GABBR2: variants seen among roughly 807,000 people sequenced by gnomAD.
GABBR2 encodes G-protein coupled receptor 51.
Under a neutral mutation model 105.6 loss-of-function variants are expected in GABBR2, and 23 were observed. That is an observed-to-expected ratio of 0.22 (90% CI 0.16 to 0.31). The LOEUF is 0.31. Ranked by LOEUF, GABBR2 falls within the 10% of genes least tolerant of loss-of-function variation. The probability of loss-of-function intolerance (pLI) is 1.00; values close to 1 mark genes in which losing one functional copy is unlikely to be tolerated. For missense variants in GABBR2, 734 were observed against 1,245.5 expected (o/e 0.59, Z 6.18); for synonymous variants, 478 against 499.7 (o/e 0.96, Z 0.58).
At chr9:98,541,659 C>T (rs1828306608) in intron 3 of GABBR2, among the ~76,000 whole-genome samples, 1 of 152,238 alleles carries the variant, frequency 6.6e-6, no homozygotes, top group Non-Finnish European at 1.5e-5. Flanking sequence ...AGGGAAGGTT[C>T]ACTCCTGATG....
intron 11 of GABBR2, among the ~76,000 whole-genome samples, chr9:98,375,897 T>G (rs550270): frequency 0.63 from 96,068 of 152,098 alleles, 31,486 homozygotes; most frequent in African/African-American, 0.8. Context: ...AATGATTCTG[T>G]TTTCCAATAT....
intron 1 of GABBR2, among the ~76,000 whole-genome samples, chr9:98,609,414 T>C (rs893725092): frequency 3.9e-5 from 6 of 152,212 alleles, no homozygotes; most frequent in Admixed American, 3.3e-4. Context: ...CGAATGCCCT[T>C]ACCCTTCCAT....
intron 3 of GABBR2, 67 bp downstream of exon 3, chr9:98,541,806 C>T (rs1368609677): frequency 1.4e-6 from 2 of 1,471,682 alleles, no homozygotes; most frequent in Non-Finnish European, 1.9e-6. Flanking sequence ...GACTAAACCA[C>T]ATTGCCTTTT....
intron 7 of GABBR2, among the ~76,000 whole-genome samples, chr9:98,424,067 T>C (rs1289587969): frequency 2.6e-5 from 4 of 152,128 alleles, no homozygotes; most frequent in Admixed American, 2.6e-4. Flanking sequence ...TGAACATTGA[T>C]ACAAAAATCC....
At chr9:98,533,022 C>T (rs1004604248) in intron 3 of GABBR2, among the ~76,000 whole-genome samples, 7 of 152,150 alleles carry the variant, frequency 4.6e-5, no homozygotes, top group African/African-American at 1.7e-4. Flanking sequence ...AGAAGAATTT[C>T]CACCAACAAA....
intron 6 of GABBR2, among the ~76,000 whole-genome samples, chr9:98,460,572 G>A (rs964105068): frequency 1.8e-4 from 27 of 152,160 alleles, no homozygotes; most frequent in Middle Eastern, 3.4e-3. Flanking sequence ...GTAGATTAGT[G>A]AACCAAATAC....
At chr9:98,420,012 T>C (rs185609778) in intron 7 of GABBR2, among the ~76,000 whole-genome samples, 5 of 152,128 alleles carry the variant, frequency 3.3e-5, no homozygotes, top group Admixed American at 2.6e-4. Flanking sequence ...CATCAGGTTG[T>C]ACGTAAGATG....
intron 4 of GABBR2, among the ~76,000 whole-genome samples, chr9:98,493,844 G>A (rs1206615950): frequency 1.3e-5 from 2 of 152,206 alleles, no homozygotes; most frequent in Non-Finnish European, 2.9e-5. Context: ...TGGGTTTTAG[G>A]TGATGGGAAA....
intron 13 of GABBR2, among the ~76,000 whole-genome samples, chr9:98,355,155 C>G (rs781745428): frequency 6.6e-6 from 1 of 151,652 alleles, no homozygotes; most frequent in Admixed American, 6.6e-5. Flanking sequence ...TAAAGTCTGC[C>G]CTCTTATCTG....
Position 98,296,013 on chromosome 9 carries a change from G to T in GABBR2, c.2543-2111C>A, listed in dbSNP as rs78070971. Among the ~76,000 whole-genome samples, 907 of 152,302 alleles carry T rather than the reference G, an allele frequency of 6.0e-3. 7 individuals carry two copies. Among genetic ancestry groups the T allele is most frequent in the African/African-American group, 0.02 (838 of 41,546 alleles). On this transcript the variant is annotated intron_variant, in intron 17 of 18. Transcript: ENST00000259455. ...ACAGAAAGAACATAACTACCGCTAC[G>T]GTGAATCAGCAGAATCGACTGTATA... is the stretch of plus-strand genomic sequence containing the variant.
intron 11 of GABBR2, among the ~76,000 whole-genome samples, chr9:98,373,985 G>A (rs1315975430): frequency 1.3e-5 from 2 of 150,630 alleles, no homozygotes; most frequent in Non-Finnish European, 2.9e-5. Context: ...AGTCTCCTGA[G>A]TATCTGGGAC....
chr9:98,353,229 C>T (rs1220717897), intron 13 of GABBR2, among the ~76,000 whole-genome samples: 3 of 152,156 alleles, frequency 2.0e-5, no homozygotes, highest in Admixed American at 2.0e-4. Context: ...CTCTTAGATG[C>T]TGTATTTGGT....
At chr9:98,626,704 T>TTATTTTTATTATCTGA (rs1829741796) in intron 1 of GABBR2, among the ~76,000 whole-genome samples, 1 of 152,216 alleles carries the variant, frequency 6.6e-6, no homozygotes, top group Non-Finnish European at 1.5e-5. Context: ...GTGCTTGCTG[T>TTATTTTTATTATCTGA]TATTTTTATT....
chr9:98,587,158 G>A (rs1233122782), intron 1 of GABBR2, among the ~76,000 whole-genome samples: 1 of 152,108 alleles, frequency 6.6e-6, no homozygotes, highest in Non-Finnish European at 1.5e-5. Context: ...AAGAGGTTAA[G>A]CCATCTTTTC....
chr9:98,420,367 C>T (rs1194082555), intron 7 of GABBR2, among the ~76,000 whole-genome samples: 3 of 152,224 alleles, frequency 2.0e-5, no homozygotes, highest in Non-Finnish European at 2.9e-5. Context: ...GCCAGAGCCC[C>T]AGTGGCTGTG....
At chr9:98,376,875 G>A (rs911087314) in intron 11 of GABBR2, among the ~76,000 whole-genome samples, 1 of 152,110 alleles carries the variant, frequency 6.6e-6, no homozygotes, top group Non-Finnish European at 1.5e-5. Context: ...AAGCCTTGGG[G>A]CAAATCAGAG....
At chr9:98,335,664 T>TCAA (rs3837262) in intron 13 of GABBR2, among the ~76,000 whole-genome samples, 199 of 151,562 alleles carry the variant, frequency 1.3e-3, no homozygotes, top group African/African-American at 3.8e-3. Context: ...TTGAAATCAT[T>TCAA]CAACAACAAC....
intron 6 of GABBR2, among the ~76,000 whole-genome samples, chr9:98,469,505 A>T (rs1361410722): frequency 2.0e-5 from 3 of 152,128 alleles, no homozygotes; most frequent in Non-Finnish European, 4.4e-5. Context: ...GGAAGCTCTA[A>T]GAGAGATCCC....
Position 98,290,461 on chromosome 9 carries a change from C to T in GABBR2, c.*123G>A, listed in dbSNP as rs1830284929. 1 of 620,010 alleles carries T rather than the reference C, an allele frequency of 1.6e-6. No homozygotes were observed. Among genetic ancestry groups the T allele is most frequent in the South Asian group, 6.9e-5 (1 of 14,412 alleles). 38.4% of individuals were successfully genotyped at this position (620,010 alleles called of 1,614,324 possible). A position where few individuals can be genotyped will look rare whatever the true frequency, so the allele number is the denominator to read the frequency against. On this transcript the variant is annotated 3_prime_UTR_variant, in exon 19 of 19. Coordinates refer to ENST00000259455, the MANE Select transcript of GABBR2 (RefSeq NM_005458.8). ...TCCACCTGAGTGCCATCCGAGTGGT[C>T]CTGAGAGGCCAGCCATGGTGCCCAG...
Sources: gnomAD v4.1 joint callset for allele counts (sites outside exome capture counted in the v4.1 genomes callset) on GRCh38, gnomAD v4.1.1 for gene constraint, MANE v1.5 for transcripts, NCBI Gene and HGNC (gene_info 2026-07-23, HGNC 2026-07-21) for gene names.